MAF: variants seen among roughly 807,000 people sequenced by gnomAD.
MAF encodes the protein transcription factor Maf.
In MAF, 10 loss-of-function variants were observed where a neutral mutation model predicts 22.0. The ratio of observed to expected loss-of-function variants is 0.45; its 90% CI spans 0.28 to 0.77. MAF has a LOEUF of 0.77. Ranked by LOEUF, MAF falls within the 30% of genes least tolerant of loss-of-function variation. The pLI, the probability that MAF is intolerant of heterozygous loss-of-function variation, is 0.12. For missense variants in MAF, 544 were observed against 548.4 expected (o/e 0.99, Z 0.08); for synonymous variants, 337 against 255.8 (o/e 1.32, Z -3.03).
chr16:79,214,572 AT>A, the MAF span, among the ~76,000 whole-genome samples: 1 of 151,462 alleles, frequency 6.6e-6, no homozygotes, highest in Non-Finnish European at 1.5e-5. Flanking sequence ...CACCTGGCTA[AT>A]TTTTCATATT....
chr16:79,458,013 TA>T, the MAF span, among the ~76,000 whole-genome samples: 2,162 of 152,216 alleles, frequency 0.014, 49 homozygotes, highest in African/African-American at 0.049. Context: ...TCATTAGAGA[TA>T]TTTTTTTTTC....
chr16:79,332,264 C>G, the MAF span, among the ~76,000 whole-genome samples: 57 of 152,058 alleles, frequency 3.7e-4, no homozygotes, highest in African/African-American at 1.3e-3. Flanking sequence ...CTGCTACTGC[C>G]CCTAGGTAAG....
the MAF span, among the ~76,000 whole-genome samples, chr16:79,309,436 G>T: frequency 6.6e-6 from 1 of 152,130 alleles, no homozygotes; most frequent in Non-Finnish European, 1.5e-5. Flanking sequence ...TCTGCTACAC[G>T]CTGAGCAACC....
At chr16:79,566,414 C>A in the MAF span, among the ~76,000 whole-genome samples, 99 of 152,282 alleles carry the variant, frequency 6.5e-4, no homozygotes, top group East Asian at 0.016. Context: ...CCCCAGTCCT[C>A]CCTGTTGATG....
At chr16:79,520,347 C>T in the MAF span, among the ~76,000 whole-genome samples, 2 of 152,166 alleles carry the variant, frequency 1.3e-5, no homozygotes, top group African/African-American at 2.4e-5. Context: ...CTACCACGTA[C>T]ATTTCCCATC....
chr16:79,355,632 C>T, the MAF span, among the ~76,000 whole-genome samples: 4 of 152,304 alleles, frequency 2.6e-5, no homozygotes, highest in African/African-American at 9.6e-5. Context: ...ACAGTAGGGA[C>T]TCAAATATGA....
chr16:79,489,203 A>G, the MAF span, among the ~76,000 whole-genome samples: 3 of 151,900 alleles, frequency 2.0e-5, no homozygotes, highest in East Asian at 5.8e-4. Context: ...CCATCCATCT[A>G]TTCCTCTATC....
the MAF span, among the ~76,000 whole-genome samples, chr16:79,397,440 C>G: frequency 1.3e-5 from 2 of 152,162 alleles, no homozygotes; most frequent in Non-Finnish European, 2.9e-5. Context: ...ATTTCTACTG[C>G]TCATATTTTT....
chr16:79,312,418 AG>A, the MAF span, among the ~76,000 whole-genome samples: 1 of 152,232 alleles, frequency 6.6e-6, no homozygotes, highest in Admixed American at 6.5e-5. Context: ...CTATTTTAAT[AG>A]CTGACCTCCA....
At chr16:79,592,986 G>T (rs895482772), downstream of MAF, among the ~76,000 whole-genome samples, 1 of 152,132 alleles carries the variant, frequency 6.6e-6, no homozygotes, top group Non-Finnish European at 1.5e-5. Flanking sequence ...TGTTTTACCG[G>T]CATGGAAATC....
At chr16:79,431,404 C>T in the MAF span, among the ~76,000 whole-genome samples, 3 of 152,164 alleles carry the variant, frequency 2.0e-5, no homozygotes, top group Non-Finnish European at 2.9e-5. Flanking sequence ...CTTCTCAGCA[C>T]CTCAGTTTTG....
chr16:79,456,657 G>A, the MAF span, among the ~76,000 whole-genome samples: 1 of 152,274 alleles, frequency 6.6e-6, no homozygotes. Flanking sequence ...GATGACAGAA[G>A]TCATCTTGAG....
At chr16:79,272,197 C>A in the MAF span, among the ~76,000 whole-genome samples, 1 of 152,216 alleles carries the variant, frequency 6.6e-6, no homozygotes, top group Non-Finnish European at 1.5e-5. Flanking sequence ...TTCCTCTGAA[C>A]GCGCTCAGAG....
chr16:79,466,278 G>A, the MAF span, among the ~76,000 whole-genome samples: 1 of 152,170 alleles, frequency 6.6e-6, no homozygotes, highest in Non-Finnish European at 1.5e-5. Flanking sequence ...CTGGCAGGCT[G>A]CAGGGTGACA....
At chr16:79,595,056 T>C in intron 1 of MAF, 7 of 1,039,376 alleles carry the variant, frequency 6.7e-6, no homozygotes, top group Non-Finnish European at 8.1e-6. Context: ...CATCAGATGC[T>C]TTTTTGTTAA....
At chr16:79,293,638 C>T in the MAF span, among the ~76,000 whole-genome samples, 2 of 152,098 alleles carry the variant, frequency 1.3e-5, no homozygotes, top group Non-Finnish European at 2.9e-5. Flanking sequence ...GCCTGCTATT[C>T]CAGAACTCAG....
At chr16:79,358,269 C>G in the MAF span, among the ~76,000 whole-genome samples, 1 of 152,134 alleles carries the variant, frequency 6.6e-6, no homozygotes. Flanking sequence ...GGGTCCTGGT[C>G]GAGAGTTCCT....
chr16:79,384,600 AC>A, the MAF span, among the ~76,000 whole-genome samples: 1 of 152,086 alleles, frequency 6.6e-6, no homozygotes, highest in African/African-American at 2.4e-5. Context: ...TACTAAAAAT[AC>A]AAAAAATTAG....
At chr16:79,212,425 T>G in the MAF span, 371 of 351,990 alleles carry the variant, frequency 1.1e-3, 1 homozygote, top group Middle Eastern at 3.3e-3. Context: ...GCTAATGCTA[T>G]GCAAAAAATT....
Sources: allele counts gnomAD v4.1 joint callset (sites outside exome capture counted in the v4.1 genomes callset), GRCh38; gene constraint gnomAD v4.1.1; transcripts MANE v1.5; gene names NCBI Gene and HGNC (gene_info 2026-07-23, HGNC 2026-07-21).